Variants in TNFRSF1B observed in about 807,000 individuals in gnomAD.
TNFRSF1B encodes the protein tumor necrosis factor receptor superfamily member 1B.
Under a neutral mutation model 44.6 loss-of-function variants are expected in TNFRSF1B, and 19 were observed. The observed-to-expected ratio is 0.43, with a 90% confidence interval of 0.30 to 0.62. The LOEUF (loss-of-function observed/expected upper bound fraction) is 0.62. Ranked by LOEUF, TNFRSF1B falls within the 20% of genes least tolerant of loss-of-function variation. TNFRSF1B has a pLI of 0.16. For synonymous variants in TNFRSF1B, 252 were observed against 261.1 expected (o/e 0.97, Z 0.34); for missense variants, 541 against 619.9 (o/e 0.87, Z 1.35).
At chr1:12,184,399 G>T (rs1638930718) in intron 1 of TNFRSF1B, among the ~76,000 whole-genome samples, 1 of 152,006 alleles carries the variant, frequency 6.6e-6, no homozygotes, top group Non-Finnish European at 1.5e-5. Flanking sequence ...TTGCTCAAGG[G>T]AGCCGACCCC....
At chr1:12,201,568 G>A (rs1639390715) in intron 8 of TNFRSF1B, among the ~76,000 whole-genome samples, 1 of 152,058 alleles carries the variant, frequency 6.6e-6, no homozygotes, top group Non-Finnish European at 1.5e-5. Flanking sequence ...TGTGGCCTGG[G>A]TTTAGAGTCC....
chr1:12,200,951 C>T (rs1400059817), intron 8 of TNFRSF1B, among the ~76,000 whole-genome samples: 1 of 151,826 alleles, frequency 6.6e-6, no homozygotes, highest in East Asian at 1.9e-4. Context: ...TTTTTTTCAA[C>T]CATTTAAAAC....
Position 12,193,971 on chromosome 1 carries a change from G to T in TNFRSF1B, c.804G>T (p.Val268=), listed in dbSNP as rs1639209994. ...TCTTTCTAGGACTGATTGTGGGTGTGACAGCCTTGGGTCTACTAATAATAG... is the reference window on the plus strand; with the variant it reads ...TCTTTCTAGGACTGATTGTGGGTGTTACAGCCTTGGGTCTACTAATAATAG... The part of the protein sequence containing the change: ...FALPVGLIVG[V]TALGLLIIGV... Residue 268 remains valine (V), a synonymous_variant, in exon 7 of 10, where the codon GTG becomes GTT. Coordinates refer to ENST00000376259, the MANE Select transcript of TNFRSF1B (RefSeq NM_001066.3). 6.2e-7 allele frequency: 1 copy of T among 1,613,942 alleles called. No homozygotes were observed. The highest frequency in any genetic ancestry group is 1.1e-5 in the South Asian group (1 of 91,082).
At chr1:12,173,695 G>A (rs1209588057) in intron 1 of TNFRSF1B, among the ~76,000 whole-genome samples, 3 of 152,188 alleles carry the variant, frequency 2.0e-5, no homozygotes, top group African/African-American at 7.2e-5. Flanking sequence ...GCCCTTTGTC[G>A]CTGGTAATGG....
At chr1:12,167,524 AC>A in intron 1 of TNFRSF1B, 2 of 407,358 alleles carry the variant, frequency 4.9e-6, no homozygotes, top group Non-Finnish European at 4.7e-6. Flanking sequence ...CTCTTCCCTC[AC>A]CCCGGCGACT....
Position 12,186,574 on chromosome 1 carries a change from C to T in TNFRSF1B, c.79-2222C>T, listed in dbSNP as rs1005876180. On this transcript the variant is annotated intron_variant, in intron 1 of 9. Coordinates refer to ENST00000376259, the MANE Select transcript of TNFRSF1B (RefSeq NM_001066.3). This position sits in a 1 kb window ranked among gnomAD's most constrained non-coding sequence, Gnocchi z 4.8. ...AGAGGTTAAGGCACTTGCCTAAGGCCACACAGCCGCTAAGTGGTGGAGTGA... is the reference window on the plus strand; with the variant it reads ...AGAGGTTAAGGCACTTGCCTAAGGCTACACAGCCGCTAAGTGGTGGAGTGA... Among the ~76,000 whole-genome samples the T allele has an allele frequency of 2.6e-5, 4 of 152,208 alleles. No individual in the cohort carries two copies. Among genetic ancestry groups the T allele is most frequent in the African/African-American group, 9.7e-5 (4 of 41,448 alleles).
chr1:12,204,329 G>A (rs1639454892), intron 9 of TNFRSF1B, among the ~76,000 whole-genome samples: 1 of 152,138 alleles, frequency 6.6e-6, no homozygotes, highest in African/African-American at 2.4e-5. Context: ...GGTGACATTT[G>A]GGTGCTGTGG....
In TNFRSF1B at chr1:12,178,230, G is replaced by T. The variant is rs527979001; in HGVS notation, c.79-10566G>T. Among the ~76,000 whole-genome samples, 2 of 152,338 alleles carry T rather than the reference G, an allele frequency of 1.3e-5. No individual in the cohort carries two copies. The highest frequency in any genetic ancestry group is 3.9e-4 in the East Asian group (2 of 5,188). ...TGAAAATTAAAACTTTGCTTCTGTT[G>T]AGCAATTCGGCATCGATGAGACGCC... is the stretch of plus-strand genomic sequence containing the variant. On this transcript the variant is annotated intron_variant, in intron 1 of 9. Transcript: ENST00000376259. This position sits in a 1 kb window ranked among gnomAD's most constrained non-coding sequence, Gnocchi z 4.3.
rs569295969 is a variant in TNFRSF1B at position 12,200,691 on chromosome 1, C to T, written c.901-1276C>T. On this transcript the variant is annotated intron_variant, in intron 8 of 9. Transcript: ENST00000376259. ...AGCCTGGAGTGCAGTGGCTCGATCT[C>T]GCCTCACCACAACCTCTGCCTCCCA... Among the ~76,000 whole-genome samples the T allele has an allele frequency of 2.0e-5, 3 of 152,190 alleles. No homozygotes were observed. The South Asian group carries it at 6.2e-4, about 31-fold the overall frequency.
At chr1:12,203,651 T>C (rs1639439036) in intron 9 of TNFRSF1B, among the ~76,000 whole-genome samples, 1 of 152,114 alleles carries the variant, frequency 6.6e-6, no homozygotes, top group Admixed American at 6.5e-5. Flanking sequence ...CCCTACACAC[T>C]GTTGAATGAA....
chr1:12,198,274 T>G (rs1314477320), intron 8 of TNFRSF1B, among the ~76,000 whole-genome samples: 2 of 152,158 alleles, frequency 1.3e-5, no homozygotes, highest in African/African-American at 4.8e-5. Context: ...GCGTTCTTTA[T>G]TCTCACAGCC....
At position 12,171,259 on chromosome 1, in the gene TNFRSF1B, C is replaced by G. The variant is rs1411787270; in HGVS notation, c.78+4090C>G. ...GAACTCCTGAACTCAAGTGATCCAC[C>G]TGCCTCGGCCTCCCGAAGTGCTGGG... On this transcript the variant is annotated intron_variant, in intron 1 of 9. Coordinates refer to ENST00000376259, the MANE Select transcript of TNFRSF1B (RefSeq NM_001066.3). This position sits in a 1 kb window ranked among gnomAD's most constrained non-coding sequence, Gnocchi z 4.5. 6.6e-6 allele frequency among the ~76,000 whole-genome samples: 1 copy of G among 151,922 alleles called. No homozygotes were observed. Among genetic ancestry groups the G allele is most frequent in the Non-Finnish European group, 1.5e-5 (1 of 68,000 alleles).
intron 9 of TNFRSF1B, among the ~76,000 whole-genome samples, chr1:12,204,846 A>G (rs1341666108): frequency 6.6e-6 from 1 of 152,132 alleles, no homozygotes; most frequent in Non-Finnish European, 1.5e-5. Context: ...TGTCCCTGTT[A>G]CAGGCACTAG....
chr1:12,185,171 C>T (rs890589293), intron 1 of TNFRSF1B, among the ~76,000 whole-genome samples: 6 of 152,210 alleles, frequency 3.9e-5, no homozygotes, highest in African/African-American at 1.2e-4. Flanking sequence ...GGGGCTCCCA[C>T]AGCCTTTGGA....
chr1:12,167,842 G>T (rs903167032), intron 1 of TNFRSF1B, among the ~76,000 whole-genome samples: 7 of 152,102 alleles, frequency 4.6e-5, no homozygotes, highest in Admixed American at 1.3e-4. Context: ...GCTGGTAATC[G>T]AGCAAGGCAA....
chr1:12,195,568 G>A (rs5746038), intron 8 of TNFRSF1B, among the ~76,000 whole-genome samples: 14 of 152,258 alleles, frequency 9.2e-5, no homozygotes, highest in South Asian at 6.2e-4. Context: ...TCAGTAAATC[G>A]GATGCCTTCC....
chr1:12,204,678 G>A (rs1416061417), intron 9 of TNFRSF1B, among the ~76,000 whole-genome samples: 2 of 152,190 alleles, frequency 1.3e-5, no homozygotes, highest in South Asian at 2.1e-4. Flanking sequence ...CAAACCTTGG[G>A]CTGTCCTTGG....
chr1:12,206,730 T>C lies in TNFRSF1B; in HGVS notation c.1106-10T>C. The C allele has an allele frequency of 1.3e-6, 2 of 1,571,774 alleles. No homozygotes were observed. The highest frequency in any genetic ancestry group is 1.7e-6 in the Non-Finnish European group (2 of 1,153,498). On this transcript the variant is annotated splice_polypyrimidine_tract_variant and intron_variant, in intron 9 of 9. Transcript: ENST00000376259. Reference sequence around the variant, plus strand: ...CCGGACTGACCCCCACCCCATCTTGTGCTTAGCAGATTCTTCCCCTGGTGG... The same window carrying C: ...CCGGACTGACCCCCACCCCATCTTGCGCTTAGCAGATTCTTCCCCTGGTGG...
chr1:12,191,492 C>T (rs1397216279), intron 3 of TNFRSF1B, among the ~76,000 whole-genome samples: 1 of 150,462 alleles, frequency 6.6e-6, no homozygotes, highest in East Asian at 2.0e-4. Flanking sequence ...TGGGGAGGAG[C>T]GGGACTTCGG....
Sources: allele counts gnomAD v4.1 joint callset (sites outside exome capture counted in the v4.1 genomes callset), GRCh38; gene constraint gnomAD v4.1.1; non-coding constraint Gnocchi (gnomAD v3.1); transcripts MANE v1.5; gene names NCBI Gene and HGNC (gene_info 2026-07-23, HGNC 2026-07-21).